Variants in TENT2 observed in about 807,000 individuals in gnomAD.
TENT2 encodes poly(A) RNA polymerase GLD2.
In TENT2, 44 loss-of-function variants were observed where a neutral mutation model predicts 72.2. That is an observed-to-expected ratio of 0.61 (90% CI 0.48 to 0.78). TENT2 has a LOEUF of 0.78. Among genes scored for constraint, TENT2 ranks in the 30% least tolerant of loss-of-function variants. The pLI is 0.00. For synonymous variants in TENT2, 212 were observed against 192.5 expected (o/e 1.10, Z -0.84); for missense variants, 541 against 569.6 (o/e 0.95, Z 0.51).
At chr5:79,625,178 A>G (rs948005821) in intron 4 of TENT2, among the ~76,000 whole-genome samples, 2 of 152,052 alleles carry the variant, frequency 1.3e-5, no homozygotes, top group African/African-American at 4.8e-5. Context: ...TCATTTGCTT[A>G]TTGGACATTT....
chr5:79,640,853 G>A lies in TENT2; in HGVS notation c.468G>A (p.Leu156=), dbSNP rs747930740. Residue 156 remains leucine, a splice_region_variant and synonymous_variant, in exon 5 of 15, where the codon TTG becomes TTA. Transcript: ENST00000453514. The part of the protein sequence containing the change: ...EITLPEAKDK[L]SQQILELFET... ...CTTTTTTTTGCGGTGGATTCAAGTT[G>A]AGTCAGCAGATACTGGAGTTATTTG... 3 of 1,591,704 alleles carry A rather than the reference G, an allele frequency of 1.9e-6. No homozygotes were observed. The Admixed American group carries it at 5.6e-5, about 29-fold the overall frequency.
intron 12 of TENT2, among the ~76,000 whole-genome samples, chr5:79,674,047 C>T (rs953422297): frequency 3.9e-5 from 6 of 152,102 alleles, no homozygotes; most frequent in African/African-American, 1.4e-4. Context: ...TGTAGGCATT[C>T]TGGGAAATAC....
intron 4 of TENT2, among the ~76,000 whole-genome samples, chr5:79,626,592 C>G (rs1437929341): frequency 1.3e-5 from 2 of 151,404 alleles, no homozygotes; most frequent in Non-Finnish European, 2.9e-5. Flanking sequence ...CAGGCGTGAA[C>G]CCCCGCACCC....
At position 79,627,091 on chromosome 5, in the gene TENT2, C is replaced by G. The variant is rs181243784; in HGVS notation, c.465+3602C>G. On this transcript the variant is annotated intron_variant, in intron 4 of 14. Coordinates refer to ENST00000453514, the MANE Select transcript of TENT2 (RefSeq NM_001114394.3). ...GTTACAGTGAGCCGAGATCATGCCACTGCCGTCCAGCCTGGGCGACAGAGT... is the reference window on the plus strand; with the variant it reads ...GTTACAGTGAGCCGAGATCATGCCAGTGCCGTCCAGCCTGGGCGACAGAGT... Among the ~76,000 whole-genome samples, 1,202 of 150,414 alleles carry G rather than the reference C, an allele frequency of 8.0e-3. 13 individuals are homozygous for G. Among genetic ancestry groups the G allele is most frequent in the African/African-American group, 0.028 (1,149 of 40,688 alleles).
At chr5:79,666,675 A>G (rs775438935) in intron 11 of TENT2, among the ~76,000 whole-genome samples, 2 of 151,906 alleles carry the variant, frequency 1.3e-5, no homozygotes, top group Non-Finnish European at 2.9e-5. Flanking sequence ...TTTATTTGAT[A>G]ATAACCTAAA....
At chr5:79,667,499 C>T (rs965014551) in intron 11 of TENT2, among the ~76,000 whole-genome samples, 1 of 152,070 alleles carries the variant, frequency 6.6e-6, no homozygotes, top group Non-Finnish European at 1.5e-5. Flanking sequence ...TTCTTTCCTA[C>T]CCCCTCCACT....
At chr5:79,614,089 A>ATT (rs1580120313) in intron 1 of TENT2, 2 of 124,962 alleles carry the variant, frequency 1.6e-5, no homozygotes, top group Non-Finnish European at 3.2e-5. Context: ...CTAGGAATTA[A>ATT]TCTTTTTTTT....
At chr5:79,637,554 G>T (rs998080960) in intron 4 of TENT2, among the ~76,000 whole-genome samples, 2 of 152,020 alleles carry the variant, frequency 1.3e-5, no homozygotes, top group Non-Finnish European at 2.9e-5. Flanking sequence ...AGCCTCCCTA[G>T]TAGCTGAGAC....
chr5:79,622,228 G>A (rs955649187), intron 3 of TENT2, among the ~76,000 whole-genome samples: 2 of 152,066 alleles, frequency 1.3e-5, no homozygotes, highest in African/African-American at 2.4e-5. Context: ...TGGAAATCCC[G>A]GAGGCAGAGG....
At chr5:79,684,491 A>C (rs1409702541) in intron 14 of TENT2, among the ~76,000 whole-genome samples, 1 of 152,156 alleles carries the variant, frequency 6.6e-6, no homozygotes, top group African/African-American at 2.4e-5. Context: ...CCTGAGCTCA[A>C]GTGATCTGCC....
chr5:79,645,303 C>A, intron 8 of TENT2, 111 bp downstream of exon 8: 1 of 860,746 alleles, frequency 1.2e-6, no homozygotes, highest in Non-Finnish European at 1.7e-6. Flanking sequence ...TTATTTTAAT[C>A]AGTTTTTAGA....
In TENT2 at chr5:79,623,311, C is replaced by T. The variant is rs146051766; in HGVS notation, c.287C>T (p.Pro96Leu). The T allele has an allele frequency of 1.1e-5, 17 of 1,612,880 alleles. No homozygotes were observed. The African/African-American group carries it at 2.0e-4, about 19-fold the overall frequency. ...GGTAAACGGCAACGTTTCCATTCAC[C>T]CCACCAAGAGCCAACTGTAGTTAAC... ...LDGKRQRFHS[P>L]HQEPTVVNQI... The change falls in exon 4 of 15, where the codon CCC becomes CTC. Residue 96 changes from proline (P) to leucine (L), a missense_variant. Coordinates refer to ENST00000453514, the MANE Select transcript of TENT2 (RefSeq NM_001114394.3).
At chr5:79,659,035 A>G (rs1229897449) in intron 11 of TENT2, among the ~76,000 whole-genome samples, 2 of 152,142 alleles carry the variant, frequency 1.3e-5, no homozygotes, top group African/African-American at 4.8e-5. Context: ...GGAATCTCCT[A>G]ATTTGCATTT....
At chr5:79,626,237 G>C (rs1769703395) in intron 4 of TENT2, among the ~76,000 whole-genome samples, 1 of 151,890 alleles carries the variant, frequency 6.6e-6, no homozygotes, top group African/African-American at 2.4e-5. Flanking sequence ...ATAGGTTCAA[G>C]TGATTCTGCT....
intron 3 of TENT2, among the ~76,000 whole-genome samples, chr5:79,622,565 C>G (rs1203865844): frequency 6.6e-6 from 1 of 152,026 alleles, no homozygotes; most frequent in Non-Finnish European, 1.5e-5. Flanking sequence ...TGATTTCTTT[C>G]TCTTTTTCTT....
chr5:79,631,990 T>C (rs1397951603), intron 4 of TENT2, among the ~76,000 whole-genome samples: 1 of 152,218 alleles, frequency 6.6e-6, no homozygotes, highest in Non-Finnish European at 1.5e-5. Context: ...CTCTCTCAAT[T>C]ACTATGCAAG....
intron 11 of TENT2, among the ~76,000 whole-genome samples, chr5:79,663,819 G>T (rs531614744): frequency 6.6e-6 from 1 of 152,130 alleles, no homozygotes; most frequent in Non-Finnish European, 1.5e-5. Flanking sequence ...CTTGCTAGAT[G>T]CACCGTTGCC....
At chr5:79,629,404 A>G (rs1773205688) in intron 4 of TENT2, among the ~76,000 whole-genome samples, 1 of 152,244 alleles carries the variant, frequency 6.6e-6, no homozygotes. Context: ...CCTAGAGTAG[A>G]TAAGATTTTT....
At chr5:79,630,045 G>T (rs1380005157) in intron 4 of TENT2, among the ~76,000 whole-genome samples, 1 of 152,184 alleles carries the variant, frequency 6.6e-6, no homozygotes, top group African/African-American at 2.4e-5. Flanking sequence ...TGAGGCGGGA[G>T]AATTGCTTGA....
Sources: gnomAD v4.1 joint callset for allele counts (sites outside exome capture counted in the v4.1 genomes callset) on GRCh38, gnomAD v4.1.1 for gene constraint, MANE v1.5 for transcripts, NCBI Gene and HGNC (gene_info 2026-07-23, HGNC 2026-07-21) for gene names.